Variants in FAM186A observed in about 807,000 individuals in gnomAD.
FAM186A encodes the protein family with sequence similarity 186 member A, also known as protein FAM186A.
In FAM186A, 163 loss-of-function variants were observed where a neutral mutation model predicts 216.8. The observed-to-expected ratio is 0.75, with a 90% CI of 0.66 to 0.86. The LOEUF (loss-of-function observed/expected upper bound fraction) is 0.86. Ranked by LOEUF, FAM186A falls within the 40% of genes least tolerant of loss-of-function variation. FAM186A has a pLI of 0.00. For synonymous variants in FAM186A, 805 were observed against 1,025.3 expected (o/e 0.79, Z 4.10); for missense variants, 2,184 against 2,746.2 (o/e 0.80, Z 4.58).
At chr12:50,371,711 T>G in intron 1 of FAM186A, among the ~76,000 whole-genome samples, 1 of 152,184 alleles carries the variant, frequency 6.6e-6, no homozygotes, top group Non-Finnish European at 1.5e-5. Context: ...AGTTCTGACT[T>G]TGGTTGCAAA....
chr12:50,334,889 T>C (rs1942692742), intron 4 of FAM186A, among the ~76,000 whole-genome samples: 1 of 152,208 alleles, frequency 6.6e-6, no homozygotes, highest in Non-Finnish European at 1.5e-5. Flanking sequence ...CAAAAATCTA[T>C]ATGATTATCA....
At chr12:50,368,134 G>A (rs1385996376) in intron 1 of FAM186A, among the ~76,000 whole-genome samples, 2 of 151,862 alleles carry the variant, frequency 1.3e-5, no homozygotes, top group South Asian at 2.1e-4. Context: ...AACAGAGAGC[G>A]ACTCTGTCTC....
At chr12:50,334,459 T>G (rs988096609) in intron 4 of FAM186A, among the ~76,000 whole-genome samples, 2 of 151,738 alleles carry the variant, frequency 1.3e-5, no homozygotes, top group Non-Finnish European at 2.9e-5. Context: ...CCTGAGCCAC[T>G]GAGCATGGCC....
chr12:50,373,140 T>C (rs1341120967), intron 1 of FAM186A, among the ~76,000 whole-genome samples: 2 of 151,738 alleles, frequency 1.3e-5, no homozygotes, highest in Non-Finnish European at 1.5e-5. Flanking sequence ...GGCTCACACC[T>C]GTAATCCCAG....
chr12:50,346,997 CAAA>C (rs58421325), intron 4 of FAM186A, among the ~76,000 whole-genome samples: 38 of 131,780 alleles, frequency 2.9e-4, no homozygotes, highest in African/African-American at 8.3e-4. Flanking sequence ...GACTCTGTCT[CAAA>C]AAAAAAAAAA....
intron 1 of FAM186A, among the ~76,000 whole-genome samples, chr12:50,379,357 A>G (rs1199309044): frequency 1.3e-5 from 2 of 149,412 alleles, no homozygotes; most frequent in Admixed American, 1.4e-4. Context: ...GGAGAATGGC[A>G]TGAACCCAGG....
intron 4 of FAM186A, among the ~76,000 whole-genome samples, chr12:50,348,777 T>G (rs1565882423): frequency 6.6e-6 from 1 of 151,934 alleles, no homozygotes; most frequent in East Asian, 1.9e-4. Context: ...AGGCTGGTCT[T>G]GAACTCATGA....
intron 1 of FAM186A, among the ~76,000 whole-genome samples, chr12:50,388,619 C>CAAAA (rs1260633038): frequency 2.2e-5 from 2 of 92,708 alleles, no homozygotes; most frequent in African/African-American, 7.2e-5. Context: ...AACTCCGTCT[C>CAAAA]AAAAAAAAAA....
chr12:50,355,727 C>T lies in FAM186A; in HGVS notation c.1105G>A (p.Asp369Asn). 5 of 1,551,656 alleles carry T rather than the reference C, an allele frequency of 3.2e-6. No homozygotes were observed. Among genetic ancestry groups the T allele is most frequent in the Non-Finnish European group, 4.4e-6 (5 of 1,146,986 alleles). ...QSSRAIIKVG[D>N]TEDNMDNILD... is the part of the protein sequence containing the mutation. ...ATATTGTCCATATTGTCCTCAGTAT[C>T]ACCAACTTTGATTATCGCCCTGGAT... Residue 369 changes from aspartate (D) to asparagine (N), a missense_variant, in exon 4 of 8, where the codon GAT becomes AAT. Asp to Asn is a conservative substitution (Grantham distance 23). Transcript: ENST00000327337.
chr12:50,334,175 CT>C (rs373248920), intron 4 of FAM186A, 72 bp from the exon 5 acceptor site: 84,757 of 907,078 alleles, frequency 0.093, no homozygotes, highest in South Asian at 0.14. Context: ...TCCTCAGTTT[CT>C]TTTTTTTTTT....
chr12:50,387,473 A>G (rs1164323954), intron 1 of FAM186A, among the ~76,000 whole-genome samples: 1 of 152,180 alleles, frequency 6.6e-6, no homozygotes, highest in Non-Finnish European at 1.5e-5. Context: ...AGAAAAGAGA[A>G]AGAAAAACAG....
rs1240203917 is a variant in FAM186A, at chr12:50,327,359, A to G, written c.*24T>C. The G allele has an allele frequency of 3.3e-6, 5 of 1,536,852 alleles. No homozygotes were observed. In the Admixed American group the frequency reaches 5.9e-5, roughly 18 times the overall value. ...TGAAAGATACTGAAATGTACTTTCA[A>G]CATGCTTGTATTTAATTTTACAGTC... is the stretch of plus-strand genomic sequence containing the variant. On this transcript the variant is annotated 3_prime_UTR_variant, in exon 8 of 8. Transcript: ENST00000327337.
chr12:50,357,516 A>AAAAAAAAAAAAAAAG (rs1555216836), intron 3 of FAM186A, among the ~76,000 whole-genome samples: 1 of 142,398 alleles, frequency 7.0e-6, no homozygotes. Context: ...AAAAAAAAAA[A>AAAAAAAAAAAAAAAG]AAGACACACA....
At chr12:50,388,144 T>TG (rs928104395) in intron 1 of FAM186A, among the ~76,000 whole-genome samples, 17 of 152,122 alleles carry the variant, frequency 1.1e-4, no homozygotes, top group African/African-American at 3.9e-4. Flanking sequence ...CCCTGAAGGT[T>TG]GGGGGGTGGG....
In FAM186A at chr12:50,351,446, G is replaced by A. The variant is rs780871074; in HGVS notation, c.5386C>T (p.Arg1796Cys). ...PGKLGAPQTLRSSGQTLVYGG... is the reference protein window; with the variant it reads ...PGKLGAPQTLCSSGQTLVYGG... ...TATACCAGGGTCTGTCCAGAGGAAC[G>A]AAGAGTCTGTGGTGCCCCAAGCTTC... The change falls in exon 4 of 8, where the codon CGT (arginine) becomes TGT (cysteine). Residue 1796 changes from arginine (R) to cysteine (C), a missense_variant. Physicochemically the swap from Arg to Cys is radical, Grantham distance 180. Transcript: ENST00000327337. 10 of 1,470,756 alleles carry A rather than the reference G, an allele frequency of 6.8e-6. No individual in the cohort carries two copies. The highest frequency in any genetic ancestry group is 2.5e-5 in the East Asian group (1 of 40,476). 91.1% of individuals were successfully genotyped at this position (1,470,756 alleles called of 1,614,324 possible).
At chr12:50,395,174 C>T (rs1161625665) in intron 1 of FAM186A, among the ~76,000 whole-genome samples, 5 of 152,152 alleles carry the variant, frequency 3.3e-5, no homozygotes, top group African/African-American at 7.2e-5. Context: ...GCATGGTGCT[C>T]ACTGCAGTCT....
chr12:50,370,013 A>C (rs201507431), intron 1 of FAM186A, among the ~76,000 whole-genome samples: 2 of 147,524 alleles, frequency 1.4e-5, no homozygotes, highest in African/African-American at 5.0e-5. Context: ...AGTCCCAGCT[A>C]CTCGGGAGGC....
chr12:50,383,193 T>TGACCTGAGATTGCAGC (rs1943268325), intron 1 of FAM186A, among the ~76,000 whole-genome samples: 1 of 133,812 alleles, frequency 7.5e-6, no homozygotes, highest in Admixed American at 9.2e-5. Context: ...ATGGTTGCAG[T>TGACCTGAGATTGCAGC]GACCTGAGAT....
chr12:50,367,061 C>T lies in FAM186A; in HGVS notation c.193-3697G>A, dbSNP rs553288376. ...AAAAGAAACTAGAAATAGAAGAAAA[C>T]TTCTTCAACATAATAAAGGCCATAT... On this transcript the variant is annotated intron_variant, in intron 1 of 7. Transcript: ENST00000327337. Among the ~76,000 whole-genome samples the T allele has an allele frequency of 2.0e-5, 3 of 151,930 alleles. No individual in the cohort carries two copies. The East Asian group carries it at 5.8e-4, about 29-fold the overall frequency.
Sources: gnomAD v4.1 joint callset for allele counts (sites outside exome capture counted in the v4.1 genomes callset) on GRCh38, gnomAD v4.1.1 for gene constraint, MANE v1.5 for transcripts, NCBI Gene and HGNC (gene_info 2026-07-23, HGNC 2026-07-21) for gene names.